The following ENOX1 variants were observed in gnomAD, a reference collection of about 807,000 sequenced individuals.
The protein encoded by ENOX1 is ecto-NOX disulfide-thiol exchanger 1.
ENOX1 carries 42 observed loss-of-function variants against 82.5 expected under a neutral mutation model. The observed-to-expected ratio is 0.51, with a 90% CI of 0.40 to 0.66. The LOEUF is 0.66. Ranked by LOEUF, ENOX1 falls within the 30% of genes least tolerant of loss-of-function variation. ENOX1 has a pLI of 0.00. For synonymous variants in ENOX1, 271 were observed against 282.2 expected (o/e 0.96, Z 0.40); for missense variants, 608 against 811.6 (o/e 0.75, Z 3.05).
At chr13:43,516,057 T>A (rs1381800928) in intron 2 of ENOX1, among the ~76,000 whole-genome samples, 2 of 152,198 alleles carry the variant, frequency 1.3e-5, no homozygotes, top group African/African-American at 4.8e-5. Context: ...TATTGAGCCT[T>A]ATTTATTTTC....
intron 3 of ENOX1, among the ~76,000 whole-genome samples, chr13:43,466,402 T>C (rs1251344969): frequency 6.6e-6 from 1 of 152,106 alleles, no homozygotes; most frequent in East Asian, 1.9e-4. Context: ...AAATTCCTCA[T>C]AAAATCAGGA....
intron 3 of ENOX1, among the ~76,000 whole-genome samples, chr13:43,450,003 G>C (rs1471941280): frequency 6.6e-6 from 1 of 152,186 alleles, no homozygotes; most frequent in Admixed American, 6.5e-5. Flanking sequence ...AATTCAAATG[G>C]TTCCATTACC....
chr13:43,706,084 G>A (rs1179993259), intron 1 of ENOX1, among the ~76,000 whole-genome samples: 1 of 151,748 alleles, frequency 6.6e-6, no homozygotes, highest in Non-Finnish European at 1.5e-5. Context: ...AGTGAAATTA[G>A]AAAATATTTA....
intron 1 of ENOX1, among the ~76,000 whole-genome samples, chr13:43,742,099 A>T (rs1949770734): frequency 6.6e-6 from 1 of 152,222 alleles, no homozygotes; most frequent in Admixed American, 6.5e-5. Context: ...GCAAGGGTAG[A>T]AGCAGAGAAG....
At chr13:43,305,886 T>C (rs2046831418) in intron 11 of ENOX1, among the ~76,000 whole-genome samples, 1 of 152,236 alleles carries the variant, frequency 6.6e-6, no homozygotes, top group African/African-American at 2.4e-5. Context: ...AAGTGAACGC[T>C]GCAAGCATGA....
At chr13:43,485,159 G>A (rs2076370055) in intron 2 of ENOX1, among the ~76,000 whole-genome samples, 1 of 152,140 alleles carries the variant, frequency 6.6e-6, no homozygotes, top group Admixed American at 6.5e-5. Flanking sequence ...CAAAGCGAGG[G>A]CTCTAGTTGG....
At chr13:43,532,903 A>T (rs987790350) in intron 2 of ENOX1, among the ~76,000 whole-genome samples, 6 of 150,810 alleles carry the variant, frequency 4.0e-5, no homozygotes, top group Non-Finnish European at 8.9e-5. Context: ...TATATATATT[A>T]AAATTTTCTA....
chr13:43,324,193 G>A (rs1212164198), intron 10 of ENOX1, among the ~76,000 whole-genome samples: 3 of 152,322 alleles, frequency 2.0e-5, no homozygotes, highest in African/African-American at 7.2e-5. Context: ...TACTGACAAA[G>A]AGCCCAATTC....
At chr13:43,606,492 A>G (rs2153734627) in intron 2 of ENOX1, among the ~76,000 whole-genome samples, 1 of 152,326 alleles carries the variant, frequency 6.6e-6, no homozygotes, top group South Asian at 2.1e-4. Flanking sequence ...TGTCATCTGC[A>G]ACAAAAATGG....
chr13:43,764,512 T>C (rs1009047328), intron 1 of ENOX1, among the ~76,000 whole-genome samples: 1 of 152,198 alleles, frequency 6.6e-6, no homozygotes, highest in African/African-American at 2.4e-5. Flanking sequence ...GACAGCAACA[T>C]TTACTGTGAA....
chr13:43,773,677 TC>T (rs1201538861), intron 1 of ENOX1, among the ~76,000 whole-genome samples: 2 of 152,322 alleles, frequency 1.3e-5, no homozygotes, highest in East Asian at 3.9e-4. Context: ...CACTTCACCC[TC>T]ATTATGCCCT....
chr13:43,418,253 C>A (rs564028756), intron 3 of ENOX1, among the ~76,000 whole-genome samples: 1 of 148,234 alleles, frequency 6.7e-6, no homozygotes, highest in South Asian at 2.2e-4. Context: ...TAAGGCTGGG[C>A]GCAGTGGCTC....
chr13:43,542,475 G>A (rs1487980995), intron 2 of ENOX1, among the ~76,000 whole-genome samples: 2 of 133,538 alleles, frequency 1.5e-5, no homozygotes, highest in Non-Finnish European at 3.1e-5. Flanking sequence ...TCACTCTGTC[G>A]CCCAGGCTGG....
At chr13:43,508,067 G>C (rs575668689) in intron 2 of ENOX1, among the ~76,000 whole-genome samples, 1 of 152,022 alleles carries the variant, frequency 6.6e-6, no homozygotes, top group Non-Finnish European at 1.5e-5. Flanking sequence ...AAAGGGAGGA[G>C]TTATAGAAAG....
At chr13:43,725,349 A>G (rs373464062) in intron 1 of ENOX1, among the ~76,000 whole-genome samples, 4 of 152,146 alleles carry the variant, frequency 2.6e-5, no homozygotes, top group East Asian at 1.9e-4. Flanking sequence ...AGGGATTACA[A>G]TATGACTAAC....
intron 2 of ENOX1, among the ~76,000 whole-genome samples, chr13:43,619,610 G>A (rs1377188116): frequency 1.3e-5 from 2 of 152,064 alleles, no homozygotes; most frequent in Admixed American, 1.3e-4. Context: ...CCCACTTGAT[G>A]ATGGTGGATT....
At chr13:43,632,426 T>C (rs1301822698) in intron 2 of ENOX1, among the ~76,000 whole-genome samples, 2 of 151,820 alleles carry the variant, frequency 1.3e-5, no homozygotes, top group African/African-American at 4.8e-5. Flanking sequence ...TATAAGATTA[T>C]AATAATGTAT....
intron 11 of ENOX1, among the ~76,000 whole-genome samples, chr13:43,299,888 A>G (rs1182766262): frequency 1.3e-5 from 2 of 152,148 alleles, no homozygotes; most frequent in Non-Finnish European, 2.9e-5. Context: ...GTGTCAGAGG[A>G]CCAAATCAAG....
chr13:43,427,481 G>A (rs1374130145), intron 3 of ENOX1, among the ~76,000 whole-genome samples: 1 of 152,158 alleles, frequency 6.6e-6, no homozygotes, highest in Admixed American at 6.5e-5. Flanking sequence ...ACAGATTTGG[G>A]GAACTCCAAC....
Sources: allele counts gnomAD v4.1 joint callset (sites outside exome capture counted in the v4.1 genomes callset), GRCh38; gene constraint gnomAD v4.1.1; transcripts MANE v1.5; gene names NCBI Gene and HGNC (gene_info 2026-07-23, HGNC 2026-07-21).